OSBPL9: variants seen among roughly 807,000 people sequenced by gnomAD.
OSBPL9 encodes oxysterol binding protein like 9.
Under a neutral mutation model 106.6 loss-of-function variants are expected in OSBPL9, and 40 were observed. The observed-to-expected ratio is 0.38, with a 90% CI of 0.29 to 0.49. The LOEUF (loss-of-function observed/expected upper bound fraction) is 0.49, where lower values mean the gene tolerates loss of function less well. Ranked by LOEUF, OSBPL9 falls within the 20% of genes least tolerant of loss-of-function variation. The probability of loss-of-function intolerance (pLI) is 0.97; values close to 1 mark genes in which losing one functional copy is unlikely to be tolerated. For missense variants in OSBPL9, 609 were observed against 887.2 expected (o/e 0.69, Z 3.98); for synonymous variants, 269 against 295.4 (o/e 0.91, Z 0.92).
chr1:51,564,558 A>G, the OSBPL9 span, among the ~76,000 whole-genome samples: 2 of 152,164 alleles, frequency 1.3e-5, no homozygotes, highest in Admixed American at 6.5e-5. Context: ...TGGAGCCTCC[A>G]AGGCTTTGCT....
intron 2 of OSBPL9, among the ~76,000 whole-genome samples, chr1:51,601,390 G>A (rs1465948363): frequency 6.6e-6 from 1 of 152,182 alleles, no homozygotes; most frequent in Admixed American, 6.5e-5. Context: ...GTTCTGCAGG[G>A]CTAGCTGGAC....
intron 3 of OSBPL9, among the ~76,000 whole-genome samples, chr1:51,681,521 T>G (rs889040280): frequency 1.3e-4 from 20 of 152,352 alleles, no homozygotes; most frequent in Non-Finnish European, 2.6e-4. Flanking sequence ...TTTATTAAAC[T>G]TATGTTTATT....
chr1:51,765,786 C>T (rs1239547882), intron 11 of OSBPL9, 36 bp from the exon 12 acceptor site: 1 of 1,553,560 alleles, frequency 6.4e-7, no homozygotes, highest in Non-Finnish European at 8.7e-7. Flanking sequence ...TTCTCTTTCA[C>T]CAATATTTTT....
chr1:51,710,201 G>T (rs1404890993), intron 3 of OSBPL9, among the ~76,000 whole-genome samples: 3 of 152,180 alleles, frequency 2.0e-5, no homozygotes, highest in African/African-American at 7.2e-5. Flanking sequence ...GGCAACTCCA[G>T]CTCAGACCTA....
chr1:51,587,570 C>G (rs1408419185), intron 1 of OSBPL9, among the ~76,000 whole-genome samples: 1 of 152,178 alleles, frequency 6.6e-6, no homozygotes, highest in Non-Finnish European at 1.5e-5. Context: ...TTCCTTCAAA[C>G]TTGTAACACT....
intron 3 of OSBPL9, among the ~76,000 whole-genome samples, chr1:51,713,539 A>G (rs1171569583): frequency 6.6e-6 from 1 of 152,172 alleles, no homozygotes; most frequent in African/African-American, 2.4e-5. Flanking sequence ...CTTCCGCCAC[A>G]CACTGACAAG....
At chr1:51,766,538 C>T (rs1359588048) in intron 12 of OSBPL9, among the ~76,000 whole-genome samples, 1 of 152,092 alleles carries the variant, frequency 6.6e-6, no homozygotes, top group Non-Finnish European at 1.5e-5. Context: ...GTATCTTAGT[C>T]CCTTTAAGCT....
At chr1:51,715,122 A>G (rs1660792852) in intron 4 of OSBPL9, among the ~76,000 whole-genome samples, 2 of 152,226 alleles carry the variant, frequency 1.3e-5, no homozygotes, top group African/African-American at 4.8e-5. Flanking sequence ...GTTCTATATC[A>G]GGAATTGACT....
chr1:51,644,754 C>G (rs1331127240), intron 1 of OSBPL9, among the ~76,000 whole-genome samples: 1 of 152,292 alleles, frequency 6.6e-6, no homozygotes, highest in Non-Finnish European at 1.5e-5. Flanking sequence ...ATTTCCTGCT[C>G]TTCCCTCTGC....
chr1:51,611,783 T>C (rs1435418216), intron 2 of OSBPL9, among the ~76,000 whole-genome samples: 1 of 152,140 alleles, frequency 6.6e-6, no homozygotes, highest in Non-Finnish European at 1.5e-5. Context: ...GAGACCAGCC[T>C]GGCCAACATG....
upstream of OSBPL9, among the ~76,000 whole-genome samples, chr1:51,612,917 G>A (rs533132431): frequency 1.2e-3 from 183 of 152,270 alleles, no homozygotes; most frequent in African/African-American, 4.3e-3. Flanking sequence ...TTTACTAGTT[G>A]TGTGACTTTT....
At chr1:51,594,251 T>A (rs1257393556) in intron 1 of OSBPL9, among the ~76,000 whole-genome samples, 4 of 151,140 alleles carry the variant, frequency 2.6e-5, no homozygotes, top group African/African-American at 9.7e-5. Context: ...AAAAAATAAA[T>A]AAATAAATAA....
At position 51,608,471 on chromosome 1, in the gene OSBPL9, T is replaced by TA. The variant is rs200979030; in HGVS notation, c.-352-5834_-352-5833insA. Among the ~76,000 whole-genome samples the TA allele has an allele frequency of 5.8e-3, 864 of 148,174 alleles. 2 individuals carry two copies. Among genetic ancestry groups the TA allele is most frequent in the African/African-American group, 0.022 (818 of 37,804 alleles). On this transcript the variant is annotated intron_variant, in intron 2 of 25. Transcript: ENST00000371714. ...CCATGCCCAGCTAATTTTTTTTTTT[T>TA]TTATTTTTAGTAGAGAAAGGGTTTC...
Position 51,698,470 on chromosome 1 carries a change from GTATGTACACA to G in OSBPL9, c.242-15517_242-15508del, listed in dbSNP as rs60020026. ...AATGTTCCAGTTTATATGTATATGT[GTATGTACACA>G]TATGTACACATATGTGTGCATATGT... On this transcript the variant is annotated intron_variant, in intron 3 of 23. Coordinates refer to ENST00000428468, the MANE Select transcript of OSBPL9 (RefSeq NM_024586.6). 4.8e-3 allele frequency among the ~76,000 whole-genome samples: 738 copies of G among 152,178 alleles called. 21 individuals are homozygous for G. The East Asian group carries it at 0.099, about 20-fold the overall frequency.
intron 1 of OSBPL9, among the ~76,000 whole-genome samples, chr1:51,589,586 A>G (rs948602605): frequency 3.9e-5 from 6 of 152,154 alleles, no homozygotes; most frequent in African/African-American, 1.4e-4. Flanking sequence ...AGAAACCTGA[A>G]TGATGAGAAG....
intron 13 of OSBPL9, 36 bp downstream of exon 13, chr1:51,772,218 T>C (rs186045087): frequency 3.8e-4 from 578 of 1,537,538 alleles, no homozygotes; most frequent in Non-Finnish European, 4.9e-4. Context: ...TTTTTTTCTT[T>C]AAAAATATTT....
chr1:51,747,706 A>C (rs1668317904), intron 6 of OSBPL9, among the ~76,000 whole-genome samples: 2 of 152,160 alleles, frequency 1.3e-5, no homozygotes, highest in Admixed American at 1.3e-4. Context: ...CAACTTAGGA[A>C]AGATAAATGT....
intron 4 of OSBPL9, among the ~76,000 whole-genome samples, chr1:51,733,671 G>A (rs1206233246): frequency 6.6e-6 from 1 of 151,898 alleles, no homozygotes; most frequent in Non-Finnish European, 1.5e-5. Flanking sequence ...GCCACTTGGG[G>A]GGCTGAGGCA....
chr1:51,635,255 G>C (rs970152016), intron 1 of OSBPL9, among the ~76,000 whole-genome samples: 1 of 151,998 alleles, frequency 6.6e-6, no homozygotes, highest in Non-Finnish European at 1.5e-5. Flanking sequence ...CCAGAAGTTT[G>C]AGTTCAGCCT....
Sources: allele counts gnomAD v4.1 joint callset (sites outside exome capture counted in the v4.1 genomes callset), GRCh38; gene constraint gnomAD v4.1.1; transcripts MANE v1.5; gene names NCBI Gene and HGNC (gene_info 2026-07-23, HGNC 2026-07-21).